Variants in KPNA1 observed in about 807,000 individuals in gnomAD.
The protein encoded by KPNA1 is karyopherin subunit alpha 1.
In KPNA1, 10 loss-of-function variants were observed where a neutral mutation model predicts 70.5. The observed-to-expected ratio is 0.14, with a 90% confidence interval of 0.09 to 0.24. The LOEUF is 0.24. KPNA1 is among the 10% of genes least tolerant of loss of function. KPNA1 has a pLI of 1.00. For missense variants in KPNA1, 397 were observed against 637.9 expected (o/e 0.62, Z 4.07); for synonymous variants, 192 against 221.9 (o/e 0.87, Z 1.20).
rs1336602078 is a variant in KPNA1 at position 122,422,349 on chromosome 3, A to C, written c.*4636T>G. ...CTAAACACAAAATCATTTGCACAAA[A>C]AAAAAAAAAAAAAAAACCTATTACC... On this transcript the variant is annotated 3_prime_UTR_variant, in exon 14 of 14. Coordinates refer to ENST00000344337, the MANE Select transcript of KPNA1 (RefSeq NM_002264.4). 50 of 149,454 alleles carry C rather than the reference A, an allele frequency of 3.3e-4. No individual in the cohort carries two copies. The highest frequency in any genetic ancestry group is 2.3e-3 in the Admixed American group (35 of 15,024). The allele number at this position is 149,454 out of a possible 1,614,324, so 9.3% of individuals were successfully genotyped here.
chr3:122,512,594 T>C (rs1427004783), intron 1 of KPNA1, among the ~76,000 whole-genome samples: 2 of 152,168 alleles, frequency 1.3e-5, no homozygotes, highest in Non-Finnish European at 2.9e-5. Flanking sequence ...TGTGGCCTCA[T>C]GCCCCTGTAG....
chr3:122,446,875 G>A (rs2076146031), intron 9 of KPNA1, among the ~76,000 whole-genome samples: 1 of 152,166 alleles, frequency 6.6e-6, no homozygotes, highest in Non-Finnish European at 1.5e-5. Flanking sequence ...ACTACCATCA[G>A]AGAATACTAT....
At chr3:122,440,203 T>C (rs1022186630) in intron 10 of KPNA1, among the ~76,000 whole-genome samples, 6 of 152,000 alleles carry the variant, frequency 3.9e-5, no homozygotes, top group Admixed American at 3.3e-4. Context: ...TTAGTTACAA[T>C]ACAATGTGAT....
intron 11 of KPNA1, among the ~76,000 whole-genome samples, chr3:122,434,283 C>T (rs992069279): frequency 1.3e-5 from 2 of 152,196 alleles, no homozygotes; most frequent in African/African-American, 4.8e-5. Flanking sequence ...AACATCTTCC[C>T]TGGAGTTTAT....
At chr3:122,436,552 A>T (rs2075991538) in intron 11 of KPNA1, among the ~76,000 whole-genome samples, 1 of 152,210 alleles carries the variant, frequency 6.6e-6, no homozygotes, top group Admixed American at 6.5e-5. Context: ...GCCGACACTT[A>T]GGGAAAACAG....
At chr3:122,430,161 A>G (rs532760975) in intron 12 of KPNA1, among the ~76,000 whole-genome samples, 21 of 152,160 alleles carry the variant, frequency 1.4e-4, no homozygotes, top group African/African-American at 5.1e-4. Context: ...GGAGATGCTC[A>G]TAACTTTTGT....
chr3:122,488,123 C>T (rs960163037), intron 2 of KPNA1, among the ~76,000 whole-genome samples: 2 of 152,118 alleles, frequency 1.3e-5, no homozygotes, highest in South Asian at 2.1e-4. Context: ...AAATGATCCC[C>T]GTAACTCCTA....
At chr3:122,510,343 T>C (rs1365025986) in intron 1 of KPNA1, among the ~76,000 whole-genome samples, 1 of 152,158 alleles carries the variant, frequency 6.6e-6, no homozygotes, top group Non-Finnish European at 1.5e-5. Context: ...AGTCCCTGGA[T>C]AACAACTATG....
intron 2 of KPNA1, among the ~76,000 whole-genome samples, chr3:122,479,660 T>C (rs1257520078): frequency 6.6e-6 from 1 of 152,094 alleles, no homozygotes; most frequent in Non-Finnish European, 1.5e-5. Context: ...CTCGGGAGGC[T>C]GAGGCAGGAG....
chr3:122,500,114 T>TG (rs1553707285), intron 1 of KPNA1, among the ~76,000 whole-genome samples: 4 of 151,856 alleles, frequency 2.6e-5, no homozygotes, highest in East Asian at 1.9e-4. Context: ...CAACTGTTTT[T>TG]TTGTTGTTGT....
chr3:122,478,949 A>G (rs1053363859), intron 2 of KPNA1, among the ~76,000 whole-genome samples: 1 of 151,112 alleles, frequency 6.6e-6, no homozygotes, highest in Non-Finnish European at 1.5e-5. Flanking sequence ...AAGGTAATAC[A>G]GGGGAAACGC....
At chr3:122,505,355 T>C (rs1272671155) in intron 1 of KPNA1, among the ~76,000 whole-genome samples, 1 of 152,070 alleles carries the variant, frequency 6.6e-6, no homozygotes, top group African/African-American at 2.4e-5. Flanking sequence ...GCAAAAGTTT[T>C]ATTTTAAAAC....
chr3:122,493,309 C>T (rs1045041741), intron 2 of KPNA1, among the ~76,000 whole-genome samples: 13 of 151,792 alleles, frequency 8.6e-5, no homozygotes, highest in Non-Finnish European at 1.5e-4. Context: ...GCCTTCCCAT[C>T]CTTTTAGTCT....
chr3:122,459,766 T>C (rs2076302579), intron 5 of KPNA1: 2 of 985,314 alleles, frequency 2.0e-6, no homozygotes, highest in Non-Finnish European at 2.4e-6. Flanking sequence ...GACATTGAAG[T>C]ACTCTACCTT....
chr3:122,505,844 C>A (rs968269264), intron 1 of KPNA1, among the ~76,000 whole-genome samples: 1 of 152,234 alleles, frequency 6.6e-6, no homozygotes, highest in East Asian at 1.9e-4. Flanking sequence ...TCTGTGTCAA[C>A]TGACACCTAG....
chr3:122,499,778 G>A (rs1489254215), intron 1 of KPNA1, among the ~76,000 whole-genome samples: 5 of 148,356 alleles, frequency 3.4e-5, no homozygotes, highest in South Asian at 2.1e-4. Flanking sequence ...AAAAAAAAAA[G>A]AGACGGGTTT....
chr3:122,482,541 A>G (rs542047382), intron 2 of KPNA1, among the ~76,000 whole-genome samples: 10 of 152,334 alleles, frequency 6.6e-5, no homozygotes, highest in Admixed American at 2.6e-4. Context: ...AGTCATCCAG[A>G]TAAGAATGGA....
intron 1 of KPNA1, among the ~76,000 whole-genome samples, chr3:122,505,199 A>T (rs2076877017): frequency 6.8e-6 from 1 of 148,138 alleles, no homozygotes; most frequent in Admixed American, 6.8e-5. Flanking sequence ...GGTACTTGGG[A>T]GGATGAGGCA....
intron 2 of KPNA1, among the ~76,000 whole-genome samples, chr3:122,488,200 G>A (rs772049677): frequency 7.1e-4 from 108 of 152,202 alleles, no homozygotes; most frequent in Middle Eastern, 6.8e-3. Context: ...AGCTGACTGC[G>A]CTCTTTGATG....
Sources: gnomAD v4.1 joint callset for allele counts (sites outside exome capture counted in the v4.1 genomes callset) on GRCh38, gnomAD v4.1.1 for gene constraint, MANE v1.5 for transcripts, NCBI Gene and HGNC (gene_info 2026-07-23, HGNC 2026-07-21) for gene names.